PRKG1: variants seen among roughly 807,000 people sequenced by gnomAD.
PRKG1 encodes the protein protein kinase cGMP-dependent 1.
A neutral mutation model predicts 88.1 loss-of-function variants in PRKG1; 35 were observed. The ratio of observed to expected loss-of-function variants is 0.40; its 90% CI spans 0.30 to 0.53. The LOEUF (loss-of-function observed/expected upper bound fraction) is 0.53, where lower values mean the gene tolerates loss of function less well. Among genes scored for constraint, PRKG1 ranks in the 20% least tolerant of loss-of-function variants. The pLI, the probability that PRKG1 is intolerant of heterozygous loss-of-function variation, is 0.59. For missense variants in PRKG1, 540 were observed against 839.8 expected (o/e 0.64, Z 4.41); for synonymous variants, 303 against 292.5 (o/e 1.04, Z -0.37).
chr10:51,508,986 T>C (rs1471762409), intron 3 of PRKG1, among the ~76,000 whole-genome samples: 1 of 152,222 alleles, frequency 6.6e-6, no homozygotes, highest in Non-Finnish European at 1.5e-5. Flanking sequence ...AGATTTCAAA[T>C]GACTTTCTAG....
chr10:51,791,563 A>G (rs1196628365), intron 3 of PRKG1, among the ~76,000 whole-genome samples: 1 of 152,146 alleles, frequency 6.6e-6, no homozygotes, highest in African/African-American at 2.4e-5. Flanking sequence ...AATCCGAAAC[A>G]TCTGCTGAAC....
At chr10:51,834,252 C>T (rs1262424593) in intron 4 of PRKG1, among the ~76,000 whole-genome samples, 2 of 152,080 alleles carry the variant, frequency 1.3e-5, no homozygotes, top group East Asian at 3.9e-4. Flanking sequence ...ACCTCCTGCC[C>T]TCTAACATAA....
intron 3 of PRKG1, among the ~76,000 whole-genome samples, chr10:51,483,009 C>CTTTTTTTTTT (rs149140774): frequency 8.4e-4 from 93 of 110,436 alleles, no homozygotes; most frequent in African/African-American, 1.1e-3. Context: ...TCTTTTCTTT[C>CTTTTTTTTTT]TTTTTTTTTT....
At chr10:51,619,701 C>A (rs1839157954) in intron 3 of PRKG1, among the ~76,000 whole-genome samples, 2 of 152,188 alleles carry the variant, frequency 1.3e-5, no homozygotes, top group Non-Finnish European at 2.9e-5. Flanking sequence ...AAGCCATTTA[C>A]ATATCTCTCC....
At chr10:51,803,414 G>A (rs1304261352) in intron 3 of PRKG1, among the ~76,000 whole-genome samples, 1 of 152,062 alleles carries the variant, frequency 6.6e-6, no homozygotes, top group East Asian at 1.9e-4. Flanking sequence ...ACAATTCAAA[G>A]ATGGGTTTAC....
In PRKG1 at chr10:51,180,757, A is replaced by G. The variant is rs371177710; in HGVS notation, c.478+27427A>G. On this transcript the variant is annotated intron_variant, in intron 2 of 17. Coordinates refer to ENST00000373980, the MANE Select transcript of PRKG1 (RefSeq NM_006258.4). The stretch of plus-strand genomic sequence containing the variant: ...CTCATTAGGGTTCTTTCTGGTAGCA[A>G]CAGTGCTCCTAGACAAACTTTACTT... Among the ~76,000 whole-genome samples, 4 of 152,182 alleles carry G rather than the reference A, an allele frequency of 2.6e-5. No homozygotes were observed. The East Asian group carries it at 7.7e-4, about 29-fold the overall frequency.
rs536269292 is a variant in PRKG1, at chr10:51,074,558, G to C, written c.-33G>C. The stretch of plus-strand genomic sequence containing the variant: ...AGGAAGCCTCAAGACGCGGAGCAGC[G>C]GCAGGAAGGAGCCCCCGGCAGCCCG... On this transcript the variant is annotated 5_prime_UTR_variant, in exon 1 of 18. Transcript: ENST00000373980. 5 of 1,590,310 alleles carry C rather than the reference G, an allele frequency of 3.1e-6. No individual in the cohort carries two copies. Among genetic ancestry groups the C allele is most frequent in the East Asian group, 2.3e-5 (1 of 44,236 alleles).
At chr10:52,259,430 T>C (rs915229829) in intron 10 of PRKG1, among the ~76,000 whole-genome samples, 1 of 152,126 alleles carries the variant, frequency 6.6e-6, no homozygotes, top group Non-Finnish European at 1.5e-5. Context: ...GTCATGTCTT[T>C]TTAAATAAAA....
chr10:52,062,656 G>C (rs1564452668), intron 7 of PRKG1, 25 bp downstream of exon 7: 1 of 1,537,378 alleles, frequency 6.5e-7, no homozygotes, highest in Admixed American at 1.9e-5. Flanking sequence ...TGTTATACAG[G>C]TTTTTGTTTG....
chr10:51,076,208 C>A (rs1425688581), intron 1 of PRKG1, among the ~76,000 whole-genome samples: 2 of 152,120 alleles, frequency 1.3e-5, no homozygotes, highest in Non-Finnish European at 2.9e-5. Flanking sequence ...GCTGTTCATG[C>A]AGGCTTAGTT....
At chr10:52,251,262 A>G (rs529910391) in intron 9 of PRKG1, among the ~76,000 whole-genome samples, 1 of 152,320 alleles carries the variant, frequency 6.6e-6, no homozygotes, top group South Asian at 2.1e-4. Context: ...CGTGTTCACA[A>G]GAAGACGCGT....
chr10:51,324,917 T>A (rs1162804172), intron 2 of PRKG1, among the ~76,000 whole-genome samples: 1 of 152,360 alleles, frequency 6.6e-6, no homozygotes, highest in East Asian at 1.9e-4. Context: ...AGCCAGATCA[T>A]GTAGTAGTTC....
At chr10:51,337,672 G>A (rs1169893014) in intron 2 of PRKG1, among the ~76,000 whole-genome samples, 1 of 152,174 alleles carries the variant, frequency 6.6e-6, no homozygotes, top group African/African-American at 2.4e-5. Flanking sequence ...CTGATCATTA[G>A]AGAAATGCAA....
rs920465316 is a variant in PRKG1 at position 51,093,251 on chromosome 10, T to A, written c.311+18350T>A. Among the ~76,000 whole-genome samples the A allele has an allele frequency of 2.0e-5, 3 of 152,138 alleles. No individual in the cohort carries two copies. The East Asian group carries it at 5.8e-4, about 29-fold the overall frequency. ...AGAAACTCTGGGCTAGGGCTAGCAATCTGTATTTTAACCACCCATCTAGGT... is the reference window on the plus strand; with the variant it reads ...AGAAACTCTGGGCTAGGGCTAGCAAACTGTATTTTAACCACCCATCTAGGT... On this transcript the variant is annotated intron_variant, in intron 1 of 17. Coordinates refer to ENST00000373980, the MANE Select transcript of PRKG1 (RefSeq NM_006258.4).
At chr10:51,957,248 TC>T (rs1843335025) in intron 5 of PRKG1, among the ~76,000 whole-genome samples, 1 of 135,646 alleles carries the variant, frequency 7.4e-6, no homozygotes, top group East Asian at 2.2e-4. Flanking sequence ...TTCTCTCTTT[TC>T]TTTCATACAT....
intron 2 of PRKG1, among the ~76,000 whole-genome samples, chr10:51,278,867 G>A (rs1027444319): frequency 5.9e-5 from 9 of 151,998 alleles, no homozygotes; most frequent in Admixed American, 2.0e-4. Context: ...AGTATTGCTA[G>A]CGGTCAATCA....
intron 1 of PRKG1, among the ~76,000 whole-genome samples, chr10:51,084,946 A>G (rs1844210515): frequency 6.6e-6 from 1 of 152,242 alleles, no homozygotes; most frequent in South Asian, 2.1e-4. Context: ...AGATAATGTG[A>G]GGAAAAAACA....
chr10:51,861,692 T>C (rs1166244924), intron 4 of PRKG1, among the ~76,000 whole-genome samples: 1 of 152,216 alleles, frequency 6.6e-6, no homozygotes, highest in Non-Finnish European at 1.5e-5. Flanking sequence ...ATAGAAATCT[T>C]TACGAGTTGT....
At chr10:52,082,117 G>A (rs956929759) in intron 7 of PRKG1, among the ~76,000 whole-genome samples, 1 of 152,064 alleles carries the variant, frequency 6.6e-6, no homozygotes, top group Admixed American at 6.6e-5. Context: ...AGTACTGAGC[G>A]AAAGGGGGAA....
Sources: gnomAD v4.1 joint callset for allele counts (sites outside exome capture counted in the v4.1 genomes callset) on GRCh38, gnomAD v4.1.1 for gene constraint, MANE v1.5 for transcripts, NCBI Gene and HGNC (gene_info 2026-07-23, HGNC 2026-07-21) for gene names.